Variants in RECK observed in about 807,000 individuals in gnomAD.
RECK encodes the protein reversion-inducing cysteine-rich protein with Kazal motifs.
RECK carries 69 observed loss-of-function variants against 115.1 expected under a neutral mutation model. The ratio of observed to expected loss-of-function variants is 0.60; its 90% CI spans 0.49 to 0.73. The LOEUF is 0.73. RECK is among the 30% of genes least tolerant of loss of function. The probability of loss-of-function intolerance (pLI) is 0.00; values close to 1 mark genes in which losing one functional copy is unlikely to be tolerated. For synonymous variants in RECK, 414 were observed against 419.7 expected, an observed-to-expected ratio of 0.99 and a Z score of 0.17; for missense variants, 1,047 against 1,203.7, an observed-to-expected ratio of 0.87 and a Z score of 1.93.
intron 6 of RECK, among the ~76,000 whole-genome samples, chr9:36,072,272 C>T (rs1822261734): frequency 6.6e-6 from 1 of 152,136 alleles, no homozygotes; most frequent in Admixed American, 6.5e-5. Context: ...TCTAGATTTA[C>T]TACCAGAAGC....
intron 7 of RECK, among the ~76,000 whole-genome samples, chr9:36,082,270 G>A (rs1016629977): frequency 2.0e-5 from 3 of 150,064 alleles, no homozygotes; most frequent in African/African-American, 4.9e-5. Context: ...TGCAACCTCC[G>A]CCTCCTGGGC....
chr9:36,072,432 C>T lies in RECK; in HGVS notation c.405+6808C>T, dbSNP rs150853684. ...CAGTGGTTCTAAGAATAGAGGAGAC[C>T]ATCTAGTTGTGGCAGATCACAGCCT... On this transcript the variant is annotated intron_variant, in intron 6 of 20. Transcript: ENST00000377966. 3.3e-3 allele frequency among the ~76,000 whole-genome samples: 498 copies of T among 152,248 alleles called. 1 individual carries two copies. Among genetic ancestry groups the T allele is most frequent in the African/African-American group, 0.012 (482 of 41,536 alleles).
chr9:36,061,584 T>C (rs1821769173), intron 4 of RECK, among the ~76,000 whole-genome samples: 1 of 152,206 alleles, frequency 6.6e-6, no homozygotes, highest in South Asian at 2.1e-4. Flanking sequence ...TAATTTAGTA[T>C]GTTCTAAGAG....
intron 7 of RECK, among the ~76,000 whole-genome samples, chr9:36,081,186 G>T (rs753399702): frequency 8.5e-5 from 13 of 152,180 alleles, no homozygotes; most frequent in Non-Finnish European, 1.5e-4. Context: ...TGGAGGAAGG[G>T]CTTACAGGTG....
At chr9:36,063,576 A>G (rs560360009) in intron 4 of RECK, among the ~76,000 whole-genome samples, 3 of 152,298 alleles carry the variant, frequency 2.0e-5, no homozygotes, top group African/African-American at 7.2e-5. Context: ...AGAAAAAACA[A>G]AAGACCTGAT....
intron 1 of RECK, among the ~76,000 whole-genome samples, chr9:36,042,406 G>A (rs919266707): frequency 4.7e-5 from 7 of 149,194 alleles, no homozygotes; most frequent in African/African-American, 1.7e-4. Flanking sequence ...CCTTTTTATG[G>A]CTGAGTAGTA....
At chr9:36,122,767 T>C in intron 20 of RECK, 57 bp from the exon 21 acceptor site, 5 of 1,424,126 alleles carry the variant, frequency 3.5e-6, no homozygotes, top group East Asian at 2.3e-5. Flanking sequence ...TTTGTCTGGC[T>C]TGATGTTGAA....
intron 1 of RECK, among the ~76,000 whole-genome samples, chr9:36,046,825 A>C (rs1268242272): frequency 6.6e-6 from 1 of 152,196 alleles, no homozygotes; most frequent in East Asian, 1.9e-4. Context: ...GAATTATTTT[A>C]AAAATTTAAC....
At chr9:36,097,584 G>A (rs963639941) in intron 10 of RECK, among the ~76,000 whole-genome samples, 3 of 152,154 alleles carry the variant, frequency 2.0e-5, no homozygotes, top group Non-Finnish European at 4.4e-5. Context: ...TGATGGAAAT[G>A]TGAGTTAGTA....
intron 11 of RECK, 52 bp downstream of exon 11, chr9:36,100,595 G>T: frequency 7.3e-7 from 1 of 1,372,588 alleles, no homozygotes; most frequent in South Asian, 1.2e-5. Context: ...GACCCTCCGT[G>T]ATCTCTAGCC....
chr9:36,048,737 A>G (rs940591486), intron 1 of RECK, among the ~76,000 whole-genome samples: 15 of 152,198 alleles, frequency 9.9e-5, no homozygotes, highest in Non-Finnish European at 1.5e-5. Context: ...TCCTAAACAC[A>G]GTGCCTCTTT....
chr9:36,064,526 A>C (rs1248453145), intron 5 of RECK, among the ~76,000 whole-genome samples: 3 of 152,156 alleles, frequency 2.0e-5, no homozygotes, highest in African/African-American at 7.2e-5. Flanking sequence ...TGGACCTGAA[A>C]CCACAGTTGG....
intron 8 of RECK, among the ~76,000 whole-genome samples, chr9:36,084,390 A>G (rs1389563309): frequency 6.6e-6 from 1 of 151,536 alleles, no homozygotes; most frequent in Non-Finnish European, 1.5e-5. Flanking sequence ...GAGCCTGTCT[A>G]AAAAAACAAA....
chr9:36,121,410 G>C (rs1194335794), intron 19 of RECK, 123 bp from the exon 20 acceptor site: 5 of 849,104 alleles, frequency 5.9e-6, no homozygotes, highest in Non-Finnish European at 8.9e-6. Flanking sequence ...AGCTGCGGTT[G>C]GGCCTTCCGC....
intron 16 of RECK, among the ~76,000 whole-genome samples, chr9:36,115,893 G>A (rs946239257): frequency 1.3e-5 from 2 of 152,060 alleles, no homozygotes; most frequent in Non-Finnish European, 2.9e-5. Flanking sequence ...AGAAAGTTAT[G>A]TAAACCCTTT....
chr9:36,111,477 TC>T (rs1824039462), intron 15 of RECK, among the ~76,000 whole-genome samples: 1 of 152,150 alleles, frequency 6.6e-6, no homozygotes, highest in African/African-American at 2.4e-5. Flanking sequence ...CACCACAAAC[TC>T]CGCCTCCTGG....
chr9:36,045,209 T>C (rs1323621789), intron 1 of RECK, among the ~76,000 whole-genome samples: 1 of 152,208 alleles, frequency 6.6e-6, no homozygotes, highest in Non-Finnish European at 1.5e-5. Context: ...CTTGGCTGAC[T>C]GTATACTTTA....
At chr9:36,100,674 T>C in intron 11 of RECK, 131 bp downstream of exon 11, 1 of 644,034 alleles carries the variant, frequency 1.6e-6, no homozygotes, top group East Asian at 2.8e-5. Flanking sequence ...TCAAATGCTT[T>C]CCCACTTTTT....
chr9:36,116,938 C>G (rs139807793), intron 16 of RECK, 47 bp from the exon 17 acceptor site: 1 of 1,507,782 alleles, frequency 6.6e-7, no homozygotes, highest in African/African-American at 1.4e-5. Context: ...AGCCCCACCA[C>G]AGTCCCTCCC....
Sources: allele counts gnomAD v4.1 joint callset (sites outside exome capture counted in the v4.1 genomes callset), GRCh38; gene constraint gnomAD v4.1.1; transcripts MANE v1.5; gene names NCBI Gene and HGNC (gene_info 2026-07-23, HGNC 2026-07-21).